Variants in FRMD4A observed in about 807,000 individuals in gnomAD.
The protein encoded by FRMD4A is FERM domain containing 4A.
In FRMD4A, 29 loss-of-function variants were observed where a neutral mutation model predicts 129.1. The ratio of observed to expected loss-of-function variants is 0.22; its 90% CI spans 0.17 to 0.31. FRMD4A has a LOEUF of 0.31. Among genes scored for constraint, FRMD4A ranks in the 10% least tolerant of loss-of-function variants. The pLI is 1.00. For missense variants in FRMD4A, 1,272 were observed against 1,375.8 expected, an observed-to-expected ratio of 0.92 and a Z score of 1.19; for synonymous variants, 634 against 571.6, an observed-to-expected ratio of 1.11 and a Z score of -1.56.
intron 2 of FRMD4A, among the ~76,000 whole-genome samples, chr10:14,321,065 T>C (rs1390682646): frequency 6.6e-6 from 1 of 152,248 alleles, no homozygotes; most frequent in African/African-American, 2.4e-5. Context: ...GTTATTTTTA[T>C]TTTTATTTTT....
chr10:14,010,338 A>C (rs1195907897), intron 2 of FRMD4A, among the ~76,000 whole-genome samples: 1 of 152,226 alleles, frequency 6.6e-6, no homozygotes, highest in Non-Finnish European at 1.5e-5. Context: ...TAAAACAAAA[A>C]CACATGCATT....
At chr10:14,215,235 T>C (rs548673727) in intron 2 of FRMD4A, among the ~76,000 whole-genome samples, 2 of 152,290 alleles carry the variant, frequency 1.3e-5, no homozygotes, top group Non-Finnish European at 2.9e-5. Flanking sequence ...AAATTCCATG[T>C]GTACAGTTCA....
At chr10:14,294,856 C>T (rs1845960044) in intron 2 of FRMD4A, among the ~76,000 whole-genome samples, 1 of 152,262 alleles carries the variant, frequency 6.6e-6, no homozygotes, top group African/African-American at 2.4e-5. Flanking sequence ...TCTATTATTG[C>T]GTCTTGCATT....
At chr10:14,046,956 T>A (rs1834015437) in intron 2 of FRMD4A, among the ~76,000 whole-genome samples, 1 of 151,792 alleles carries the variant, frequency 6.6e-6, no homozygotes, top group Admixed American at 6.6e-5. Flanking sequence ...AAGGGCAGAG[T>A]CTTTATCATG....
intron 2 of FRMD4A, among the ~76,000 whole-genome samples, chr10:13,964,211 G>A (rs75338350): frequency 0.053 from 7,953 of 149,882 alleles, 346 homozygotes; most frequent in East Asian, 0.22. Context: ...ATAGACCAAA[G>A]AAAACCAAAA....
chr10:14,252,702 C>T (rs1281986914), intron 2 of FRMD4A, among the ~76,000 whole-genome samples: 2 of 152,228 alleles, frequency 1.3e-5, no homozygotes, highest in Non-Finnish European at 2.9e-5. Flanking sequence ...TGCCACATAT[C>T]TCTACCATAA....
intron 2 of FRMD4A, among the ~76,000 whole-genome samples, chr10:14,172,238 G>A (rs1333611652): frequency 6.6e-6 from 1 of 152,178 alleles, no homozygotes; most frequent in Non-Finnish European, 1.5e-5. Context: ...CCTAAAAACT[G>A]AAGGGTTTGA....
chr10:13,883,422 G>GT (rs1276249528), intron 2 of FRMD4A, among the ~76,000 whole-genome samples: 1 of 152,152 alleles, frequency 6.6e-6, no homozygotes, highest in Non-Finnish European at 1.5e-5. Flanking sequence ...AACCTGGGAG[G>GT]CGGAGGTTGT....
At chr10:13,683,183 T>C (rs941125164) in intron 15 of FRMD4A, among the ~76,000 whole-genome samples, 2 of 152,044 alleles carry the variant, frequency 1.3e-5, no homozygotes, top group African/African-American at 4.8e-5. Context: ...GCCCGACTAA[T>C]AGAAGCCTCT....
At chr10:13,698,748 A>G (rs1361670299) in intron 14 of FRMD4A, among the ~76,000 whole-genome samples, 2 of 152,260 alleles carry the variant, frequency 1.3e-5, no homozygotes, top group South Asian at 4.1e-4. Flanking sequence ...AGGATGAAAG[A>G]CCCACCCGGG....
At chr10:14,184,705 C>T (rs904302724) in intron 2 of FRMD4A, among the ~76,000 whole-genome samples, 10 of 152,106 alleles carry the variant, frequency 6.6e-5, no homozygotes, top group Non-Finnish European at 2.9e-5. Flanking sequence ...TGAAATCAAT[C>T]CCCCTAAGCT....
At chr10:14,113,790 G>T (rs1387207000) in intron 2 of FRMD4A, among the ~76,000 whole-genome samples, 6 of 152,120 alleles carry the variant, frequency 3.9e-5, no homozygotes, top group African/African-American at 1.4e-4. Context: ...GTGTGTGCGT[G>T]TGTGTGTGTG....
chr10:14,067,348 A>C (rs1835111364), intron 2 of FRMD4A, among the ~76,000 whole-genome samples: 1 of 152,230 alleles, frequency 6.6e-6, no homozygotes, highest in Non-Finnish European at 1.5e-5. Flanking sequence ...CATTGATATT[A>C]ATGACAAGTA....
At chr10:13,785,584 T>G (rs79084664) in intron 5 of FRMD4A, among the ~76,000 whole-genome samples, 11,318 of 152,220 alleles carry the variant, frequency 0.074, 634 homozygotes, top group South Asian at 0.21. Context: ...TGATTTTCTT[T>G]TTTAAATTTT....
chr10:14,108,025 T>C (rs1837676395), intron 2 of FRMD4A, among the ~76,000 whole-genome samples: 2 of 152,200 alleles, frequency 1.3e-5, no homozygotes, highest in African/African-American at 4.8e-5. Context: ...TGTTGTCAAA[T>C]TCCCTTTCAT....
intron 2 of FRMD4A, among the ~76,000 whole-genome samples, chr10:14,096,355 A>T (rs540534675): frequency 6.6e-6 from 1 of 152,170 alleles, no homozygotes; most frequent in East Asian, 1.9e-4. Flanking sequence ...TCTGTTGCTT[A>T]TAAACTACCC....
chr10:13,735,215 G>T (rs2090565776), intron 12 of FRMD4A, among the ~76,000 whole-genome samples: 1 of 152,220 alleles, frequency 6.6e-6, no homozygotes, highest in South Asian at 2.1e-4. Flanking sequence ...TGATGGCTGT[G>T]ACAGATTGGT....
intron 6 of FRMD4A, among the ~76,000 whole-genome samples, chr10:13,778,505 T>C (rs2130765693): frequency 6.6e-6 from 1 of 152,298 alleles, no homozygotes; most frequent in South Asian, 2.1e-4. Context: ...CCCTCCGTTA[T>C]TCTGAACATT....
intron 12 of FRMD4A, among the ~76,000 whole-genome samples, chr10:13,719,084 T>C (rs2089160123): frequency 6.6e-6 from 1 of 152,118 alleles, no homozygotes; most frequent in South Asian, 2.1e-4. Context: ...TGGTGGGAGG[T>C]GACACTTGAG....
Sources: gnomAD v4.1 joint callset for allele counts (sites outside exome capture counted in the v4.1 genomes callset) on GRCh38, gnomAD v4.1.1 for gene constraint, MANE v1.5 for transcripts, NCBI Gene and HGNC (gene_info 2026-07-23, HGNC 2026-07-21) for gene names.